Variants in ABLIM3 observed in about 807,000 individuals in gnomAD.
ABLIM3 encodes the protein actin binding LIM protein family member 3, also known as actin-binding LIM protein 3.
Under a neutral mutation model 109.5 loss-of-function variants are expected in ABLIM3, and 61 were observed. That is an observed-to-expected ratio of 0.56 (90% CI 0.45 to 0.69). The LOEUF is 0.69. ABLIM3 is among the 30% of genes least tolerant of loss of function. ABLIM3 has a pLI of 0.00. For synonymous variants in ABLIM3, 300 were observed against 324.8 expected, an observed-to-expected ratio of 0.92 and a Z score of 0.82; for missense variants, 796 against 889.5, an observed-to-expected ratio of 0.89 and a Z score of 1.34.
intron 14 of ABLIM3, 124 bp from the exon 15 acceptor site, chr5:149,242,367 T>G (rs1397389665): frequency 2.2e-6 from 2 of 908,760 alleles, no homozygotes; most frequent in Non-Finnish European, 3.5e-6. Flanking sequence ...GGTGGCCCCT[T>G]GGAAAAAGTT....
In ABLIM3 at chr5:149,230,687, C is replaced by T. The variant is rs758578982; in HGVS notation, c.796C>T (p.Arg266Trp). ...GCACCCCATCTGCAAACAGGCAGCC[C>T]GGGCAGAGAAGAAGTTAAAGGTAAG... ...VWHPICKQAA[R>W]AEKKLKHRRT... is the part of the protein sequence containing the mutation. The change falls in exon 9 of 24, where the codon CGG (arginine) becomes TGG (tryptophan). Residue 266 changes from arginine to tryptophan, a missense_variant. Arg to Trp is a moderately radical substitution (Grantham distance 101, BLOSUM62 -3). Coordinates refer to ENST00000309868, the MANE Select transcript of ABLIM3 (RefSeq NM_014945.5). The T allele has an allele frequency of 1.7e-5, 28 of 1,613,900 alleles. No individual in the cohort carries two copies. The highest frequency in any genetic ancestry group is 3.3e-4 in the Middle Eastern group (2 of 6,084).
chr5:149,178,628 C>T (rs1435330742), intron 2 of ABLIM3, among the ~76,000 whole-genome samples: 1 of 152,184 alleles, frequency 6.6e-6, no homozygotes, highest in African/African-American at 2.4e-5. Context: ...AGAGGAAAAC[C>T]CATGTGCAGG....
intron 7 of ABLIM3, among the ~76,000 whole-genome samples, chr5:149,215,393 A>G (rs946413582): frequency 6.6e-6 from 1 of 152,130 alleles, no homozygotes; most frequent in African/African-American, 2.4e-5. Context: ...CGGGGGGAAA[A>G]AGGAATATTG....
chr5:149,249,968 A>C, intron 19 of ABLIM3, 124 bp downstream of exon 19: 68 of 1,190,380 alleles, frequency 5.7e-5, no homozygotes, highest in Non-Finnish European at 7.3e-5. Flanking sequence ...TCCTGATCTC[A>C]AATAGTCTAC....
intron 14 of ABLIM3, 43 bp downstream of exon 14, chr5:149,240,817 C>G: frequency 6.4e-7 from 1 of 1,573,348 alleles, no homozygotes; most frequent in Non-Finnish European, 8.7e-7. Context: ...GATGCATGCT[C>G]CATGGGGTCA....
Position 149,230,661 on chromosome 5 carries a change from G to T in ABLIM3, c.770G>T (p.Trp257Leu). The T allele has an allele frequency of 6.2e-7, 1 of 1,614,002 alleles. No individual in the cohort carries two copies. The highest frequency in any genetic ancestry group is 1.3e-5 in the African/African-American group (1 of 74,998). The change falls in exon 9 of 24, where the codon TGG becomes TTG. Residue 257 changes from tryptophan to leucine, a missense_variant. Physicochemically the swap from Trp to Leu is moderately conservative, Grantham distance 61 (BLOSUM62 -2). Transcript: ENST00000309868. ...EEMYLTGSEV[W>L]HPICKQAARA... ...CATGACCCCTTAGGTTCCGAGGTTT[G>T]GCACCCCATCTGCAAACAGGCAGCC...
At chr5:149,217,081 C>A in intron 8 of ABLIM3, 35 bp downstream of exon 8, 1 of 1,576,654 alleles carries the variant, frequency 6.3e-7, no homozygotes, top group Non-Finnish European at 8.7e-7. Context: ...GGCCTTCCGA[C>A]CTGCTCATGA....
At chr5:149,178,617 G>A (rs1756184387) in intron 2 of ABLIM3, among the ~76,000 whole-genome samples, 1 of 152,226 alleles carries the variant, frequency 6.6e-6, no homozygotes, top group African/African-American at 2.4e-5. Flanking sequence ...CGACTCTCAG[G>A]AGAGGAAAAC....
intron 2 of ABLIM3, among the ~76,000 whole-genome samples, chr5:149,169,428 C>T (rs967232557): frequency 1.7e-4 from 26 of 152,074 alleles, no homozygotes; most frequent in African/African-American, 6.3e-4. Flanking sequence ...AGAAAACCTT[C>T]CCAGGACCCT....
chr5:149,237,006 A>T (rs1752267538), intron 10 of ABLIM3, among the ~76,000 whole-genome samples: 1 of 152,188 alleles, frequency 6.6e-6, no homozygotes. Flanking sequence ...TTCTTCAAGG[A>T]TGCTGTGAAT....
chr5:149,222,884 G>A (rs1393240923), intron 8 of ABLIM3, among the ~76,000 whole-genome samples: 2 of 151,964 alleles, frequency 1.3e-5, no homozygotes, highest in Non-Finnish European at 1.5e-5. Flanking sequence ...TGTAGTATTG[G>A]TTGCTATAAT....
intron 2 of ABLIM3, among the ~76,000 whole-genome samples, chr5:149,169,089 C>CT (rs1561547223): frequency 3.5e-5 from 5 of 143,628 alleles, no homozygotes; most frequent in Middle Eastern, 7.1e-3. Context: ...TGTAGGACCC[C>CT]CCCACCCCCC....
At chr5:149,246,087 T>G (rs1488104734) in intron 16 of ABLIM3, among the ~76,000 whole-genome samples, 1 of 152,140 alleles carries the variant, frequency 6.6e-6, no homozygotes. Context: ...CCCTTGAGCC[T>G]GGGGACTTGA....
chr5:149,142,900 C>T (rs1355274433), intron 2 of ABLIM3, among the ~76,000 whole-genome samples: 1 of 152,128 alleles, frequency 6.6e-6, no homozygotes, highest in Non-Finnish European at 1.5e-5. Flanking sequence ...CAGACTCACT[C>T]TCCTGCCCTC....
intron 8 of ABLIM3, among the ~76,000 whole-genome samples, chr5:149,227,736 C>A (rs777829079): frequency 2.6e-5 from 4 of 152,192 alleles, no homozygotes; most frequent in Non-Finnish European, 4.4e-5. Flanking sequence ...TGTTTGTAGA[C>A]TCAGTCTGGA....
At chr5:149,230,126 C>A (rs1761701450) in intron 8 of ABLIM3, among the ~76,000 whole-genome samples, 1 of 152,166 alleles carries the variant, frequency 6.6e-6, no homozygotes, top group African/African-American at 2.4e-5. Flanking sequence ...TATTTATTGA[C>A]CACCTGCTAT....
intron 2 of ABLIM3, among the ~76,000 whole-genome samples, chr5:149,181,539 A>T (rs1756456570): frequency 6.6e-6 from 1 of 152,216 alleles, no homozygotes; most frequent in African/African-American, 2.4e-5. Flanking sequence ...GAAGTATATT[A>T]TTCTCCCACC....
At chr5:149,214,014 G>A (rs1759814332) in intron 7 of ABLIM3, among the ~76,000 whole-genome samples, 1 of 152,112 alleles carries the variant, frequency 6.6e-6, no homozygotes, top group Non-Finnish European at 1.5e-5. Flanking sequence ...GCCACTTGGG[G>A]GTCTTTGAGG....
At position 149,141,622 on chromosome 5, in the gene ABLIM3, C is replaced by G. The variant is rs759935272; in HGVS notation, c.-120C>G. The G allele has an allele frequency of 9.7e-5, 16 of 165,100 alleles. No individual in the cohort carries two copies. The highest frequency in any genetic ancestry group is 1.6e-4 in the Non-Finnish European group (12 of 76,522). The allele number at this position is 165,100 out of a possible 1,614,324, so 10.2% of individuals were successfully genotyped here. On this transcript the variant is annotated 5_prime_UTR_variant, in exon 1 of 24. Coordinates refer to ENST00000309868, the MANE Select transcript of ABLIM3 (RefSeq NM_014945.5). ...ATGAAATCAGTCGCAGGGGCCGGGGCAGGGGCCTCTGGCTCCCGACACTGG... is the reference window on the plus strand; with the variant it reads ...ATGAAATCAGTCGCAGGGGCCGGGGGAGGGGCCTCTGGCTCCCGACACTGG...
Sources: allele counts gnomAD v4.1 joint callset (sites outside exome capture counted in the v4.1 genomes callset), GRCh38; gene constraint gnomAD v4.1.1; transcripts MANE v1.5; gene names NCBI Gene and HGNC (gene_info 2026-07-23, HGNC 2026-07-21).